The following SLC7A7 variants were observed in gnomAD, a reference collection of about 807,000 sequenced individuals.
The protein encoded by SLC7A7 is Y+L amino acid transporter 1.
Under a neutral mutation model 47.9 loss-of-function variants are expected in SLC7A7, and 39 were observed. The ratio of observed to expected loss-of-function variants is 0.81; its 90% CI spans 0.63 to 1.06. The LOEUF is 1.06. Among genes scored for constraint, SLC7A7 ranks in the 50% least tolerant of loss-of-function variants. The pLI is 0.00. For missense variants in SLC7A7, 588 were observed against 632.0 expected (o/e 0.93, Z 0.75); for synonymous variants, 234 against 242.8 (o/e 0.96, Z 0.34).
intron 4 of SLC7A7, among the ~76,000 whole-genome samples, chr14:22,777,886 C>T (rs1441965660): frequency 2.0e-5 from 3 of 152,248 alleles, no homozygotes; most frequent in South Asian, 2.1e-4. Flanking sequence ...CCAGCCTGGC[C>T]AACATGGTGA....
chr14:22,783,447 C>CTGGA (rs2139403376), intron 2 of SLC7A7, among the ~76,000 whole-genome samples: 1 of 151,288 alleles, frequency 6.6e-6, no homozygotes, highest in South Asian at 2.1e-4. Flanking sequence ...GTCCCCCAGG[C>CTGGA]TGGAGTACAG....
chr14:22,787,494 G>A lies in SLC7A7; in HGVS notation c.500-7443C>T, dbSNP rs144527845. On this transcript the variant is annotated intron_variant, in intron 2 of 9. Coordinates refer to ENST00000674313, the MANE Select transcript of SLC7A7 (RefSeq NM_003982.4). The stretch of plus-strand genomic sequence containing the variant: ...GGGCTGGCAGCAGTGGCTCACGCCT[G>A]TAATCCCAACACTTTGGGAGGCTGA... 5.2e-3 allele frequency among the ~76,000 whole-genome samples: 798 copies of A among 152,082 alleles called. 9 individuals carry two copies. Among genetic ancestry groups the A allele is most frequent in the African/African-American group, 0.018 (757 of 41,474 alleles).
In SLC7A7 at chr14:22,812,392, C is replaced by G. The variant is rs906724543; in HGVS notation, c.499+508G>C. Among the ~76,000 whole-genome samples, 13 of 151,934 alleles carry G rather than the reference C, an allele frequency of 8.6e-5. 1 individual carries two copies. The highest frequency in any genetic ancestry group is 5.3e-4 in the Admixed American group (8 of 15,220). ...ATGTTGGCCAGGCTAGTCTCGAACT[C>G]CTGACCTCAGGTGATCTGCCCACTT... On this transcript the variant is annotated intron_variant, in intron 2 of 9. Coordinates refer to ENST00000674313, the MANE Select transcript of SLC7A7 (RefSeq NM_003982.4).
chr14:22,790,003 ATTGGTGGTAACTTG>A (rs965773612), intron 2 of SLC7A7, among the ~76,000 whole-genome samples: 1 of 152,132 alleles, frequency 6.6e-6, no homozygotes, highest in Non-Finnish European at 1.5e-5. Context: ...CAGCCACTCA[ATTGGTGGTAACTTG>A]TTAGAGAAGC....
rs12891079 is a variant in SLC7A7 at position 22,775,333 on chromosome 14, T to C, written c.1095+111A>G. 0.14 allele frequency: 127,504 copies of C among 920,832 alleles called. 9,511 individuals carry two copies. The highest frequency in any genetic ancestry group is 0.16 in the Non-Finnish European group (88,590 of 559,010). 57.0% of individuals were successfully genotyped at this position (920,832 alleles called of 1,614,324 possible). On this transcript the variant is annotated intron_variant, in intron 7 of 9. Coordinates refer to ENST00000674313, the MANE Select transcript of SLC7A7 (RefSeq NM_003982.4). ...GGTGAACATTCTGATCCACCAATAG[T>C]TTTTCTATTGGAATCTTTCAGAGCT...
At chr14:22,783,704 C>T (rs937615255) in intron 2 of SLC7A7, among the ~76,000 whole-genome samples, 6 of 151,748 alleles carry the variant, frequency 4.0e-5, no homozygotes, top group African/African-American at 9.7e-5. Flanking sequence ...GTGGCGTGCC[C>T]AGTCTCTTCT....
rs1207257426 is a variant in SLC7A7, at chr14:22,775,429, C to T, written c.1095+15G>A. On this transcript the variant is annotated intron_variant, in intron 7 of 9. Transcript: ENST00000674313. ...CCGCAATCTGGCTTTCAGTCTCATC[C>T]TTGAGTTCACTTACATTGAAGAGCA... 1 of 1,607,788 alleles carries T rather than the reference C, an allele frequency of 6.2e-7. No homozygotes were observed. Among genetic ancestry groups the T allele is most frequent in the Non-Finnish European group, 8.5e-7 (1 of 1,174,326 alleles).
In SLC7A7 at chr14:22,773,381, T is replaced by C; in HGVS notation, c.*229A>G. On this transcript the variant is annotated 3_prime_UTR_variant, in exon 10 of 10. Coordinates refer to ENST00000674313, the MANE Select transcript of SLC7A7 (RefSeq NM_003982.4). ...AAAACAACCAAGCCCAAACCTGACATGCTCCTCCCCACAGTCACCTTCATT... is the reference window on the plus strand; with the variant it reads ...AAAACAACCAAGCCCAAACCTGACACGCTCCTCCCCACAGTCACCTTCATT... 1 of 625,398 alleles carries C rather than the reference T, an allele frequency of 1.6e-6. No individual in the cohort carries two copies. Among genetic ancestry groups the C allele is most frequent in the Non-Finnish European group, 3.0e-6 (1 of 337,278 alleles). 38.7% of individuals were successfully genotyped at this position (625,398 alleles called of 1,614,324 possible).
chr14:22,777,855 C>T (rs1271278196), intron 4 of SLC7A7, among the ~76,000 whole-genome samples: 4 of 152,186 alleles, frequency 2.6e-5, no homozygotes, highest in African/African-American at 9.7e-5. Flanking sequence ...GGGCGGATCA[C>T]CTGAGGTCAG....
chr14:22,803,617 A>C (rs964788314), intron 2 of SLC7A7, among the ~76,000 whole-genome samples: 5 of 152,220 alleles, frequency 3.3e-5, no homozygotes, highest in Non-Finnish European at 7.3e-5. Context: ...AAAATGCAGG[A>C]GAGGCAAGAA....
At chr14:22,789,725 C>G (rs1394088620) in intron 2 of SLC7A7, among the ~76,000 whole-genome samples, 59 of 151,516 alleles carry the variant, frequency 3.9e-4, no homozygotes, top group Non-Finnish European at 5.9e-5. Context: ...TGGGTGGGCC[C>G]AATGTAATCA....
chr14:22,788,480 A>ATTG (rs2038859707), intron 2 of SLC7A7, among the ~76,000 whole-genome samples: 1 of 152,172 alleles, frequency 6.6e-6, no homozygotes, highest in Non-Finnish European at 1.5e-5. Flanking sequence ...CAAGGCGGGC[A>ATTG]GATCACAAAG....
Position 22,781,511 on chromosome 14 carries a change from T to C in SLC7A7, c.500-1460A>G, listed in dbSNP as rs138489276. 8.2e-4 allele frequency among the ~76,000 whole-genome samples: 125 copies of C among 152,190 alleles called. 2 individuals carry two copies. The highest frequency in any genetic ancestry group is 2.9e-3 in the African/African-American group (119 of 41,510). ...CTTTCTGCCTAATAAACAACAAACCTTATCACAGGGCTGGGCAAAAATGTA... is the reference window on the plus strand; with the variant it reads ...CTTTCTGCCTAATAAACAACAAACCCTATCACAGGGCTGGGCAAAAATGTA... On this transcript the variant is annotated intron_variant, in intron 2 of 9. Coordinates refer to ENST00000674313, the MANE Select transcript of SLC7A7 (RefSeq NM_003982.4).
intron 2 of SLC7A7, among the ~76,000 whole-genome samples, chr14:22,806,187 C>CTTTTT (rs77783824): frequency 1.8e-4 from 14 of 78,278 alleles, no homozygotes; most frequent in East Asian, 8.2e-4. Context: ...ACATCAATCT[C>CTTTTT]TTTTTTTTTT....
At chr14:22,780,827 G>A (rs568574373) in intron 2 of SLC7A7, among the ~76,000 whole-genome samples, 57 of 152,262 alleles carry the variant, frequency 3.7e-4, no homozygotes, top group African/African-American at 1.3e-3. Flanking sequence ...ACATACCTAA[G>A]AAAAAGTTTC....
chr14:22,778,976 C>T (rs1367482438), intron 3 of SLC7A7, 39 bp from the exon 4 acceptor site: 22 of 1,611,762 alleles, frequency 1.4e-5, no homozygotes, highest in Non-Finnish European at 1.8e-5. Context: ...GGATTAGTGG[C>T]TCATTCTCCC....
At chr14:22,818,709 T>G (rs1341152472), upstream of SLC7A7, among the ~76,000 whole-genome samples, 12 of 151,390 alleles carry the variant, frequency 7.9e-5, no homozygotes, top group Admixed American at 7.9e-4. Context: ...TTCTCCTGCC[T>G]CAGCCTCCCA....
chr14:22,789,348 G>GGCC (rs2038881843), intron 2 of SLC7A7, among the ~76,000 whole-genome samples: 1 of 152,208 alleles, frequency 6.6e-6, no homozygotes, highest in Non-Finnish European at 1.5e-5. Flanking sequence ...GCCAGGCGCA[G>GGCC]TGGCTCATGC....
intron 4 of SLC7A7, among the ~76,000 whole-genome samples, chr14:22,777,533 G>A (rs2038637144): frequency 6.6e-6 from 1 of 151,762 alleles, no homozygotes; most frequent in African/African-American, 2.4e-5. Flanking sequence ...GCCCAATAAA[G>A]CCATGATCTT....
Sources: gnomAD v4.1 joint callset for allele counts (sites outside exome capture counted in the v4.1 genomes callset) on GRCh38, gnomAD v4.1.1 for gene constraint, MANE v1.5 for transcripts, NCBI Gene and HGNC (gene_info 2026-07-23, HGNC 2026-07-21) for gene names.